The following TBC1D5 variants were observed in gnomAD, a reference collection of about 807,000 sequenced individuals.
TBC1D5 encodes the protein TBC1 domain family member 5.
TBC1D5 carries 75 observed loss-of-function variants against 100.3 expected under a neutral mutation model. That is an observed-to-expected ratio of 0.75 (90% CI 0.62 to 0.91). The LOEUF is 0.91. TBC1D5 is among the 40% of genes least tolerant of loss of function. The pLI is 0.00. For missense variants in TBC1D5, 910 were observed against 942.4 expected (o/e 0.97, Z 0.45); for synonymous variants, 323 against 325.6 (o/e 0.99, Z 0.09).
At chr3:17,508,505 G>A in exon 3 of TBC1D5, 1 of 1,613,724 alleles carries the variant, frequency 6.2e-7, no homozygotes, top group Non-Finnish European at 8.5e-7. Context: ...TGGACAAGGG[G>A]TCAATGCCTA....
At chr3:17,517,549 T>C (rs1231015953) in intron 2 of TBC1D5, among the ~76,000 whole-genome samples, 5 of 152,206 alleles carry the variant, frequency 3.3e-5, no homozygotes, top group Non-Finnish European at 5.9e-5. Flanking sequence ...ATTAATCAAA[T>C]TAATAATATT....
intron 1 of TBC1D5, among the ~76,000 whole-genome samples, chr3:17,625,050 C>T (rs1264747056): frequency 3.3e-5 from 5 of 152,000 alleles, no homozygotes; most frequent in South Asian, 4.1e-4. Flanking sequence ...AATAATTTTA[C>T]CTTTACTACT....
At chr3:17,425,695 A>T (rs1302510502) in intron 4 of TBC1D5, among the ~76,000 whole-genome samples, 1 of 152,188 alleles carries the variant, frequency 6.6e-6, no homozygotes, top group Non-Finnish European at 1.5e-5. Context: ...ATATCATAAT[A>T]ATACAAACAG....
intron 19 of TBC1D5, among the ~76,000 whole-genome samples, chr3:17,183,584 T>C (rs1217004230): frequency 1.3e-5 from 2 of 152,206 alleles, no homozygotes; most frequent in Admixed American, 6.5e-5. Flanking sequence ...GGGTTTCTCC[T>C]GCTGTTTTTC....
chr3:17,374,797 C>T, intron 10 of TBC1D5, 118 bp from the exon 11 acceptor site: 3 of 979,998 alleles, frequency 3.1e-6, no homozygotes, highest in Non-Finnish European at 3.0e-6. Context: ...AAAAATTAGT[C>T]TTTTTTAATG....
chr3:17,685,089 G>A (rs1268269666), intron 1 of TBC1D5, among the ~76,000 whole-genome samples: 1 of 151,944 alleles, frequency 6.6e-6, no homozygotes, highest in Non-Finnish European at 1.5e-5. Flanking sequence ...TCATTAATTT[G>A]TAAGTGACTC....
intron 12 of TBC1D5, among the ~76,000 whole-genome samples, chr3:17,372,942 T>C (rs965465910): frequency 4.6e-5 from 7 of 152,150 alleles, no homozygotes; most frequent in African/African-American, 1.7e-4. Flanking sequence ...AGAGTAAATA[T>C]TTTAGGCTTT....
chr3:17,262,356 G>A (rs904612299), intron 15 of TBC1D5, among the ~76,000 whole-genome samples: 2 of 151,932 alleles, frequency 1.3e-5, no homozygotes, highest in Non-Finnish European at 2.9e-5. Flanking sequence ...TAATCTTATG[G>A]GACCACTATC....
intron 18 of TBC1D5, among the ~76,000 whole-genome samples, chr3:17,200,355 G>A (rs2071308600): frequency 6.6e-6 from 1 of 152,256 alleles, no homozygotes; most frequent in South Asian, 2.1e-4. Flanking sequence ...ACAGTAGGAG[G>A]TGAGCAGCAG....
intron 13 of TBC1D5, among the ~76,000 whole-genome samples, chr3:17,327,832 C>G (rs1412107398): frequency 6.6e-6 from 1 of 151,860 alleles, no homozygotes; most frequent in African/African-American, 2.4e-5. Context: ...TTTTTTTTCC[C>G]CATTACTGTA....
At chr3:17,568,390 G>T (rs1418655983) in intron 2 of TBC1D5, among the ~76,000 whole-genome samples, 1 of 151,284 alleles carries the variant, frequency 6.6e-6, no homozygotes, top group Non-Finnish European at 1.5e-5. Context: ...AGAGGTGGTG[G>T]AAACTGCTTT....
intron 17 of TBC1D5, among the ~76,000 whole-genome samples, chr3:17,229,037 T>C (rs1224280381): frequency 6.6e-6 from 1 of 152,158 alleles, no homozygotes; most frequent in East Asian, 1.9e-4. Flanking sequence ...GTGGGCATTT[T>C]ACTAAATAGA....
At chr3:17,180,987 C>A (rs114756668) in intron 19 of TBC1D5, among the ~76,000 whole-genome samples, 7 of 150,782 alleles carry the variant, frequency 4.6e-5, no homozygotes, top group Non-Finnish European at 1.0e-4. Flanking sequence ...TGGAACTTTG[C>A]GAAAATAATT....
chr3:17,300,061 T>C (rs1433524335), intron 14 of TBC1D5, among the ~76,000 whole-genome samples: 2 of 151,986 alleles, frequency 1.3e-5, no homozygotes, highest in Non-Finnish European at 2.9e-5. Flanking sequence ...AAACCCAAAA[T>C]AACAGACAAT....
chr3:17,697,024 T>C (rs2072222665), intron 1 of TBC1D5, among the ~76,000 whole-genome samples: 1 of 152,238 alleles, frequency 6.6e-6, no homozygotes, highest in South Asian at 2.1e-4. Context: ...TCTTAATAGA[T>C]GCAGAAAAGG....
At chr3:17,606,075 C>A (rs1046970389) in intron 2 of TBC1D5, among the ~76,000 whole-genome samples, 2 of 152,156 alleles carry the variant, frequency 1.3e-5, no homozygotes, top group African/African-American at 4.8e-5. Context: ...GCCCACACCT[C>A]CCCTTCTCCT....
At chr3:17,564,892 T>C (rs1316359475) in intron 2 of TBC1D5, among the ~76,000 whole-genome samples, 3 of 151,912 alleles carry the variant, frequency 2.0e-5, no homozygotes, top group African/African-American at 7.3e-5. Flanking sequence ...AAGAAAAAAA[T>C]AAAATGAGCC....
chr3:17,326,000 T>C (rs552883800), intron 13 of TBC1D5, among the ~76,000 whole-genome samples: 13 of 152,090 alleles, frequency 8.5e-5, no homozygotes, highest in African/African-American at 3.1e-4. Context: ...TAAAGTCAAG[T>C]GAGAGGAAAA....
intron 1 of TBC1D5, among the ~76,000 whole-genome samples, chr3:17,732,522 C>G (rs2076648558): frequency 6.6e-6 from 1 of 152,020 alleles, no homozygotes; most frequent in African/African-American, 2.4e-5. Flanking sequence ...AGTTCAAGAA[C>G]AGCCTGACCA....
Sources: allele counts gnomAD v4.1 joint callset (sites outside exome capture counted in the v4.1 genomes callset), GRCh38; gene constraint gnomAD v4.1.1; transcripts MANE v1.5; gene names NCBI Gene and HGNC (gene_info 2026-07-23, HGNC 2026-07-21).